POLA1: variants seen among roughly 807,000 people sequenced by gnomAD.
The protein encoded by POLA1 is DNA polymerase alpha catalytic subunit.
POLA1 carries 15 observed loss-of-function variants against 124.0 expected under a neutral mutation model. The observed-to-expected ratio is 0.12, with a 90% CI of 0.08 to 0.19. The LOEUF is 0.19. POLA1 is among the 10% of genes least tolerant of loss of function. The pLI, the probability that POLA1 is intolerant of heterozygous loss-of-function variation, is 1.00. For missense variants in POLA1, 886 were observed against 1,103.4 expected, an observed-to-expected ratio of 0.80 and a Z score of 2.79; for synonymous variants, 408 against 389.4, an observed-to-expected ratio of 1.05 and a Z score of -0.56.
intron 31 of POLA1, 51 bp from the exon 32 acceptor site, chrX:24,826,376 A>T: frequency 1.0e-6 from 1 of 996,957 alleles, no homozygotes; most frequent in South Asian, 2.6e-5. Flanking sequence ...GTTGCTCACA[A>T]CTTTACCTGT....
At chrX:24,822,711 A>G (rs1334268720) in intron 31 of POLA1, among the ~76,000 whole-genome samples, 1 of 112,101 alleles carries the variant, frequency 8.9e-6, no homozygotes, top group Non-Finnish European at 1.9e-5. Context: ...CAAGCCCTTA[A>G]TGTGCTTTGC....
chrX:24,900,606 C>A, intron 35 of POLA1, among the ~76,000 whole-genome samples: 1 of 112,216 alleles, frequency 8.9e-6, no homozygotes, highest in East Asian at 2.8e-4. Flanking sequence ...CAGCATTCAA[C>A]AGGACCACCA....
At position 24,757,436 on chromosome X, in the gene POLA1, C is replaced by CTTTTTTTTTTTTT. The variant is rs66782103; in HGVS notation, c.2964+8453_2964+8465dup. On this transcript the variant is annotated intron_variant, in intron 26 of 36. Transcript: ENST00000379068. ...ATCTGAAATGCTCCAAAATCTGAAA[C>CTTTTTTTTTTTTT]TTTTTTTTTTTTTTTTTTTTTGAGA... Among the ~76,000 whole-genome samples the CTTTTTTTTTTTTT allele has an allele frequency of 2.3e-3, 145 of 62,127 alleles. 22 individuals carry two copies. The highest frequency in any genetic ancestry group is 0.011 in the African/African-American group (139 of 12,217). 53.9% of individuals were successfully genotyped at this position (62,127 alleles called of 115,157 possible). A position where few individuals can be genotyped will look rare whatever the true frequency, so the allele number is the denominator to read the frequency against.
chrX:24,927,409 T>G (rs1004852615), intron 35 of POLA1, among the ~76,000 whole-genome samples: 1 of 111,960 alleles, frequency 8.9e-6, no homozygotes, highest in Non-Finnish European at 1.9e-5. Context: ...TTCAACAATA[T>G]TTGCCAAGTC....
intron 36 of POLA1, among the ~76,000 whole-genome samples, chrX:24,971,609 G>T (rs1407767851): frequency 8.9e-6 from 1 of 112,164 alleles, no homozygotes; most frequent in Non-Finnish European, 1.9e-5. Context: ...CATCATGGCA[G>T]TGCTACCAAC....
At chrX:24,966,528 A>G (rs771158396) in intron 36 of POLA1, among the ~76,000 whole-genome samples, 2 of 112,406 alleles carry the variant, frequency 1.8e-5, no homozygotes, top group African/African-American at 3.2e-5. Context: ...TAAAGGCTAC[A>G]TGGATGGTTT....
At chrX:24,783,944 G>A in intron 26 of POLA1, among the ~76,000 whole-genome samples, 1 of 111,486 alleles carries the variant, frequency 9.0e-6, no homozygotes, top group East Asian at 2.8e-4. Context: ...TTCCATCATT[G>A]CAGGAAGTAC....
chrX:24,841,378 G>T (rs919688539), intron 32 of POLA1, among the ~76,000 whole-genome samples: 1 of 112,005 alleles, frequency 8.9e-6, no homozygotes, highest in Non-Finnish European at 1.9e-5. Flanking sequence ...GGTTTTCATT[G>T]TAACTTTAAG....
intron 34 of POLA1, among the ~76,000 whole-genome samples, chrX:24,872,094 A>G (rs1164369755): frequency 8.9e-6 from 1 of 111,770 alleles, no homozygotes; most frequent in Non-Finnish European, 1.9e-5. Context: ...GAAAATATTA[A>G]CCGTTGTAAT....
chrX:24,948,841 T>C (rs919459219), intron 36 of POLA1, among the ~76,000 whole-genome samples: 13 of 112,211 alleles, frequency 1.2e-4, no homozygotes, highest in African/African-American at 4.2e-4. Flanking sequence ...CTTTGGCTTT[T>C]ATATAAGATA....
At chrX:24,829,066 T>C (rs1479110416) in intron 32 of POLA1, among the ~76,000 whole-genome samples, 1 of 111,421 alleles carries the variant, frequency 9.0e-6, no homozygotes, top group Non-Finnish European at 1.9e-5. Context: ...TTCAGAAGTT[T>C]CATGTTTTAT....
At chrX:24,870,059 A>G (rs751426208) in intron 34 of POLA1, among the ~76,000 whole-genome samples, 60 of 112,193 alleles carry the variant, frequency 5.3e-4, no homozygotes, top group African/African-American at 1.8e-3. Context: ...TGTTCCTGGT[A>G]TGGGCAGCGA....
chrX:24,977,120 A>G (rs1368290527), intron 36 of POLA1, among the ~76,000 whole-genome samples: 9 of 112,061 alleles, frequency 8.0e-5, no homozygotes, highest in Admixed American at 7.6e-4. Context: ...TTGCCTTCAC[A>G]TATCACTTAT....
At chrX:24,767,841 T>C (rs1162305470) in intron 26 of POLA1, among the ~76,000 whole-genome samples, 1 of 112,257 alleles carries the variant, frequency 8.9e-6, no homozygotes, top group East Asian at 2.8e-4. Context: ...CAATCCTCAA[T>C]TGAGTTAGAT....
chrX:24,971,420 G>T (rs2048301070), intron 36 of POLA1, among the ~76,000 whole-genome samples: 1 of 112,853 alleles, frequency 8.9e-6, no homozygotes, highest in Non-Finnish European at 1.9e-5. Flanking sequence ...CTTTTGATGA[G>T]CAGTTGTACT....
intron 26 of POLA1, among the ~76,000 whole-genome samples, chrX:24,750,678 C>T (rs889602549): frequency 8.9e-6 from 1 of 112,091 alleles, no homozygotes; most frequent in Non-Finnish European, 1.9e-5. Flanking sequence ...TAGATAATAA[C>T]GTTTTCATTT....
rs148778673 is a variant in POLA1, at chrX:24,924,862, G to T, written c.4165-5591G>T. Among the ~76,000 whole-genome samples, 190 of 111,398 alleles carry T rather than the reference G, an allele frequency of 1.7e-3. 1 individual carries two copies. The highest frequency in any genetic ancestry group is 0.014 in the Admixed American group (149 of 10,501). The stretch of plus-strand genomic sequence containing the variant: ...AGGGGATGGTGATAAGGGTGGCGTG[G>T]GTATATGGCCAGGCTGGCAGTTGAG... On this transcript the variant is annotated intron_variant, in intron 35 of 36. Transcript: ENST00000379068.
chrX:24,947,211 C>A (rs2047971968), intron 36 of POLA1, among the ~76,000 whole-genome samples: 1 of 90,599 alleles, frequency 1.1e-5, no homozygotes, highest in Non-Finnish European at 2.1e-5. Flanking sequence ...AATTTATATA[C>A]ATTTGATAGC....
chrX:24,906,361 G>C (rs1239137010), intron 35 of POLA1, among the ~76,000 whole-genome samples: 2 of 112,017 alleles, frequency 1.8e-5, no homozygotes, highest in Non-Finnish European at 3.8e-5. Context: ...GTAGCAACTT[G>C]GATGGGGCTG....
Sources: allele counts gnomAD v4.1 joint callset (sites outside exome capture counted in the v4.1 genomes callset), GRCh38; gene constraint gnomAD v4.1.1; transcripts MANE v1.5; gene names NCBI Gene and HGNC (gene_info 2026-07-23, HGNC 2026-07-21).